AKAP13: variants seen among roughly 807,000 people sequenced by gnomAD.
The protein encoded by AKAP13 is A-kinase anchor protein 13.
In AKAP13, 80 loss-of-function variants were observed where a neutral mutation model predicts 264.5. The ratio of observed to expected loss-of-function variants is 0.30; its 90% confidence interval spans 0.25 to 0.36. AKAP13 has a LOEUF of 0.36. AKAP13 is among the 10% of genes least tolerant of loss of function. The pLI is 1.00. For synonymous variants in AKAP13, 1,380 were observed against 1,250.2 expected (o/e 1.10, Z -2.19); for missense variants, 3,712 against 3,435.2 (o/e 1.08, Z -2.01).
At chr15:85,386,499 A>G (rs2070569002) in intron 1 of AKAP13, among the ~76,000 whole-genome samples, 1 of 151,566 alleles carries the variant, frequency 6.6e-6, no homozygotes, top group African/African-American at 2.4e-5. Context: ...CATGTTGACC[A>G]GGGTGGTCTG....
At chr15:85,443,735 G>A (rs2073796185) in intron 1 of AKAP13, among the ~76,000 whole-genome samples, 3 of 150,902 alleles carry the variant, frequency 2.0e-5, no homozygotes, top group Non-Finnish European at 4.4e-5. Context: ...ATTTGTGTCA[G>A]TGGGTAAAAA....
intron 8 of AKAP13, among the ~76,000 whole-genome samples, chr15:85,614,649 G>C (rs542630493): frequency 6.6e-6 from 1 of 152,064 alleles, no homozygotes; most frequent in Non-Finnish European, 1.5e-5. Flanking sequence ...ACTTTTCTCT[G>C]TTATAGTTTC....
At chr15:85,555,443 A>G in intron 5 of AKAP13, 1 of 1,289,094 alleles carries the variant, frequency 7.8e-7, no homozygotes, top group Non-Finnish European at 1.0e-6. Flanking sequence ...TGAAGCCAAA[A>G]CTAAAAGAGG....
intron 5 of AKAP13, among the ~76,000 whole-genome samples, chr15:85,562,681 C>CT (rs1411665176): frequency 1.1e-5 from 1 of 88,016 alleles, no homozygotes; most frequent in Admixed American, 1.8e-4. Context: ...TCTTTCTTTT[C>CT]TTTTCTTTTC....
chr15:85,544,754 T>C (rs1458849929), intron 5 of AKAP13, among the ~76,000 whole-genome samples: 2 of 152,220 alleles, frequency 1.3e-5, no homozygotes, highest in Non-Finnish European at 2.9e-5. Context: ...TTTGTGGTTA[T>C]CATCATTATC....
intron 36 of AKAP13, 91 bp downstream of exon 36, chr15:85,743,916 A>AG (rs2089242569): frequency 3.5e-6 from 5 of 1,424,754 alleles, no homozygotes; most frequent in Non-Finnish European, 4.7e-6. Context: ...GGGGTTGAAA[A>AG]GGGGACAGTT....
At chr15:85,437,082 TAAAG>T (rs1321435848) in intron 1 of AKAP13, among the ~76,000 whole-genome samples, 5 of 141,524 alleles carry the variant, frequency 3.5e-5, no homozygotes, top group Admixed American at 1.4e-4. Context: ...GCAAGACTAA[TAAAG>T]AAAAAAAGAG....
chr15:85,593,006 G>GA (rs2079647527), intron 8 of AKAP13, among the ~76,000 whole-genome samples: 1 of 152,034 alleles, frequency 6.6e-6, no homozygotes. Flanking sequence ...CTTAATTTTT[G>GA]ACCAGTGTGT....
chr15:85,471,503 A>G (rs1187384781), intron 1 of AKAP13, among the ~76,000 whole-genome samples: 1 of 152,192 alleles, frequency 6.6e-6, no homozygotes, highest in South Asian at 2.1e-4. Flanking sequence ...TCAAAAAACA[A>G]ACAAACAAAC....
chr15:85,652,504 A>G (rs2082903318), intron 10 of AKAP13, among the ~76,000 whole-genome samples: 1 of 152,130 alleles, frequency 6.6e-6, no homozygotes, highest in African/African-American at 2.4e-5. Context: ...CTTGTTATAC[A>G]TTTTGCTTTA....
intron 35 of AKAP13, among the ~76,000 whole-genome samples, chr15:85,742,192 G>C (rs1757015877): frequency 6.6e-6 from 1 of 152,258 alleles, no homozygotes; most frequent in Admixed American, 6.5e-5. Flanking sequence ...GATATTTGGA[G>C]TTGGCACTTC....
At chr15:85,531,577 G>A (rs1453426875) in intron 3 of AKAP13, among the ~76,000 whole-genome samples, 1 of 152,200 alleles carries the variant, frequency 6.6e-6, no homozygotes, top group Admixed American at 6.5e-5. Context: ...TAGGCTGGCT[G>A]CCCTTCAAAG....
intron 8 of AKAP13, among the ~76,000 whole-genome samples, chr15:85,589,266 T>C (rs974879458): frequency 6.6e-6 from 1 of 152,182 alleles, no homozygotes; most frequent in Non-Finnish European, 1.5e-5. Context: ...TTGTAAATGC[T>C]TTGTGGGACA....
At chr15:85,662,436 T>C in intron 12 of AKAP13, 1 of 1,614,212 alleles carries the variant, frequency 6.2e-7, no homozygotes, top group Non-Finnish European at 8.5e-7. Flanking sequence ...GCCTGAGTGC[T>C]GACTTTAATT....
In AKAP13 at chr15:85,578,945, C is replaced by G. The variant is rs201033746; in HGVS notation, c.877C>G (p.Gln293Glu). The change falls in exon 7 of 37, where the codon CAG (glutamine) becomes GAG (glutamate). Residue 293 changes from glutamine to glutamate, a missense_variant. Transcript: ENST00000394518. ...QQQLMKTNLK[Q>E]MDSLMPLMMT... ...TTCCTCCTAGAAAACAAACCTCAAG[C>G]AGATGGACAGTCTTATGCCCTTAAT... The G allele has an allele frequency of 1.9e-6, 3 of 1,608,966 alleles. No individual in the cohort carries two copies. Among genetic ancestry groups the G allele is most frequent in the Admixed American group, 1.7e-5 (1 of 59,678 alleles).
rs1185295965 is a variant in AKAP13, at chr15:85,639,371, C to G, written c.4162-3C>G. 1.2e-6 allele frequency: 2 copies of G among 1,605,666 alleles called. No individual in the cohort carries two copies. The highest frequency in any genetic ancestry group is 2.2e-5 in the South Asian group (2 of 90,900). ...GAAACTCTGTGTTTTCTTTTTCTTT[C>G]AGATAAACCGAGAAAACTGGTGTAC... On this transcript the variant is annotated splice_polypyrimidine_tract_variant and splice_region_variant and intron_variant, in intron 8 of 36. Transcript: ENST00000394518.
At chr15:85,423,802 A>T (rs1039051951) in intron 1 of AKAP13, among the ~76,000 whole-genome samples, 13 of 152,220 alleles carry the variant, frequency 8.5e-5, no homozygotes, top group Admixed American at 8.5e-4. Context: ...TAGTTTCTTA[A>T]ATCATAAGAC....
At chr15:85,433,116 A>AT (rs2073099645) in intron 1 of AKAP13, among the ~76,000 whole-genome samples, 1 of 100,200 alleles carries the variant, frequency 1.0e-5, no homozygotes, top group Non-Finnish European at 2.0e-5. Flanking sequence ...CCTTCTGTAC[A>AT]GTTTTTTTTT....
intron 23 of AKAP13, among the ~76,000 whole-genome samples, chr15:85,720,429 A>G (rs1045674815): frequency 2.0e-5 from 3 of 152,216 alleles, no homozygotes; most frequent in Admixed American, 1.3e-4. Flanking sequence ...ACTTTCATCA[A>G]GGTGTGGTAT....
Sources: gnomAD v4.1 joint callset for allele counts (sites outside exome capture counted in the v4.1 genomes callset) on GRCh38, gnomAD v4.1.1 for gene constraint, MANE v1.5 for transcripts, NCBI Gene and HGNC (gene_info 2026-07-23, HGNC 2026-07-21) for gene names.